Variants in OPCML observed in about 807,000 individuals in gnomAD.
OPCML encodes opioid binding protein/cell adhesion molecule like, also known as opioid-binding protein/cell adhesion molecule.
OPCML carries 13 observed loss-of-function variants against 37.8 expected under a neutral mutation model. That is an observed-to-expected ratio of 0.34 (90% CI 0.22 to 0.55). The LOEUF (loss-of-function observed/expected upper bound fraction) is 0.55. OPCML is among the 20% of genes least tolerant of loss of function. The pLI is 0.91. For missense variants in OPCML, 341 were observed against 435.6 expected, an observed-to-expected ratio of 0.78 and a Z score of 1.93; for synonymous variants, 176 against 168.8, an observed-to-expected ratio of 1.04 and a Z score of -0.33.
rs904509803 is a variant in OPCML, at chr11:133,196,023, T to C, written c.62-253013A>G. Reference sequence around the variant, plus strand: ...GGTAGTGAGTTGAGACTTTTGTTTGTTAAATTCCTTTGCAAGAAACTTTAG... The same window carrying C: ...GGTAGTGAGTTGAGACTTTTGTTTGCTAAATTCCTTTGCAAGAAACTTTAG... On this transcript the variant is annotated intron_variant, in intron 1 of 7. Transcript: ENST00000524381. Among the ~76,000 whole-genome samples, 54 of 152,222 alleles carry C rather than the reference T, an allele frequency of 3.5e-4. 1 individual carries two copies. Among genetic ancestry groups the C allele is most frequent in the African/African-American group, 1.3e-3 (52 of 41,456 alleles).
At chr11:133,081,175 G>C (rs547654546) in intron 1 of OPCML, among the ~76,000 whole-genome samples, 157 of 152,290 alleles carry the variant, frequency 1.0e-3, no homozygotes, top group African/African-American at 3.4e-3. Context: ...TGTCCCTGGT[G>C]GAGAGGGGAG....
chr11:133,229,547 A>G (rs568821927), intron 1 of OPCML, among the ~76,000 whole-genome samples: 1 of 152,306 alleles, frequency 6.6e-6, no homozygotes, highest in South Asian at 2.1e-4. Context: ...AGGGCTCCCA[A>G]TGCATCCCAC....
intron 3 of OPCML, among the ~76,000 whole-genome samples, chr11:132,591,563 T>C (rs766953051): frequency 6.6e-6 from 1 of 152,226 alleles, no homozygotes; most frequent in African/African-American, 2.4e-5. Context: ...TTTGTCACTC[T>C]GAATTTTAAT....
intron 1 of OPCML, among the ~76,000 whole-genome samples, chr11:133,154,492 G>C (rs73023532): frequency 0.1 from 15,341 of 151,774 alleles, 855 homozygotes; most frequent in Middle Eastern, 0.14. Context: ...CCAAAAATTT[G>C]GGAAGTTTCA....
chr11:132,596,145 G>A lies in OPCML; in HGVS notation c.379+60942C>T, dbSNP rs148128200. Among the ~76,000 whole-genome samples, 172 of 152,230 alleles carry A rather than the reference G, an allele frequency of 1.1e-3. 1 individual carries two copies. Among genetic ancestry groups the A allele is most frequent in the African/African-American group, 3.9e-3 (162 of 41,540 alleles). ...CATGTCATGTCCATAGTGGCTTTGT[G>A]CAGACTGAATGAGAAAATAAAGCTA... is the stretch of plus-strand genomic sequence containing the variant. On this transcript the variant is annotated intron_variant, in intron 3 of 7. Transcript: ENST00000524381.
At chr11:132,769,988 T>G (rs1946584442) in intron 2 of OPCML, among the ~76,000 whole-genome samples, 1 of 152,198 alleles carries the variant, frequency 6.6e-6, no homozygotes, top group African/African-American at 2.4e-5. Flanking sequence ...ACCCTGGGGT[T>G]GTGTGCTGAG....
intron 1 of OPCML, among the ~76,000 whole-genome samples, chr11:133,531,607 T>A (rs1948605338): frequency 6.6e-6 from 1 of 151,864 alleles, no homozygotes. Flanking sequence ...AGGGCCTGTG[T>A]TACAACAAGA....
chr11:132,958,096 G>A (rs1004661990), intron 1 of OPCML, among the ~76,000 whole-genome samples: 1 of 152,236 alleles, frequency 6.6e-6, no homozygotes, highest in Non-Finnish European at 1.5e-5. Context: ...AGTTAGTCAA[G>A]TTAGGAATGC....
intron 3 of OPCML, among the ~76,000 whole-genome samples, chr11:132,549,905 C>A (rs2096377600): frequency 6.6e-6 from 1 of 152,130 alleles, no homozygotes; most frequent in Non-Finnish European, 1.5e-5. Context: ...CCTGCTGGCC[C>A]TTTCAGCTCA....
chr11:133,394,233 C>A (rs1225403010), intron 1 of OPCML, among the ~76,000 whole-genome samples: 1 of 152,186 alleles, frequency 6.6e-6, no homozygotes, highest in East Asian at 1.9e-4. Flanking sequence ...CAAAAATACT[C>A]TCCCACATCA....
chr11:133,478,234 G>A (rs1000489730), intron 1 of OPCML, among the ~76,000 whole-genome samples: 1 of 152,140 alleles, frequency 6.6e-6, no homozygotes, highest in African/African-American at 2.4e-5. Flanking sequence ...CTCTGTTGTG[G>A]CCTCCTGCCT....
At chr11:133,449,706 C>T (rs150244059) in intron 1 of OPCML, among the ~76,000 whole-genome samples, 1 of 151,760 alleles carries the variant, frequency 6.6e-6, no homozygotes, top group African/African-American at 2.4e-5. Context: ...TATGAGAACA[C>T]TTGTCATTGG....
At chr11:132,797,571 C>T (rs1026522810) in intron 2 of OPCML, among the ~76,000 whole-genome samples, 4 of 152,060 alleles carry the variant, frequency 2.6e-5, no homozygotes, top group African/African-American at 4.8e-5. Context: ...TGCAAATAAA[C>T]ATTATGTTTA....
At chr11:132,485,834 C>T (rs1405330162) in intron 4 of OPCML, among the ~76,000 whole-genome samples, 1 of 152,178 alleles carries the variant, frequency 6.6e-6, no homozygotes, top group Non-Finnish European at 1.5e-5. Flanking sequence ...CCCTGTATAA[C>T]TATTATAAAT....
chr11:132,795,514 C>T (rs186576533), intron 2 of OPCML, among the ~76,000 whole-genome samples: 45 of 152,292 alleles, frequency 3.0e-4, no homozygotes, highest in African/African-American at 9.4e-4. Flanking sequence ...TTAAAACGAA[C>T]GAGCCAAATT....
At chr11:133,239,875 G>T (rs1175536376) in intron 1 of OPCML, among the ~76,000 whole-genome samples, 1 of 152,062 alleles carries the variant, frequency 6.6e-6, no homozygotes, top group African/African-American at 2.4e-5. Flanking sequence ...GTGTGTGCTC[G>T]CAAGCTTTTA....
intron 3 of OPCML, among the ~76,000 whole-genome samples, chr11:132,557,458 T>C (rs538528920): frequency 2.8e-4 from 42 of 152,348 alleles, no homozygotes; most frequent in Non-Finnish European, 2.1e-4. Flanking sequence ...CCAACCCCCC[T>C]GCTCTGGAAA....
intron 2 of OPCML, among the ~76,000 whole-genome samples, chr11:132,910,543 T>G (rs1944395296): frequency 6.6e-6 from 1 of 152,224 alleles, no homozygotes; most frequent in Admixed American, 6.5e-5. Context: ...GTGGGGATGA[T>G]GTCACTCTCT....
chr11:132,811,679 A>G (rs1332095635), intron 2 of OPCML, among the ~76,000 whole-genome samples: 3 of 152,190 alleles, frequency 2.0e-5, no homozygotes, highest in Non-Finnish European at 2.9e-5. Flanking sequence ...TGAACCCCCA[A>G]CAGCCTGCTG....
Sources: allele counts gnomAD v4.1 joint callset (sites outside exome capture counted in the v4.1 genomes callset), GRCh38; gene constraint gnomAD v4.1.1; transcripts MANE v1.5; gene names NCBI Gene and HGNC (gene_info 2026-07-23, HGNC 2026-07-21).